TMEM71: variants seen among roughly 807,000 people sequenced by gnomAD.
The protein encoded by TMEM71 is transmembrane protein 71.
TMEM71 carries 44 observed loss-of-function variants against 38.0 expected under a neutral mutation model. The observed-to-expected ratio is 1.16, with a 90% CI of 0.91 to 1.49. TMEM71 has a LOEUF of 1.49. Among genes scored for constraint, TMEM71 ranks in the 40% most tolerant of loss-of-function variants. The pLI is 0.00. For synonymous variants in TMEM71, 133 were observed against 122.5 expected (o/e 1.09, Z -0.56); for missense variants, 367 against 348.6 (o/e 1.05, Z -0.42).
chr8:132,725,013 C>T (rs1463266069), intron 6 of TMEM71, among the ~76,000 whole-genome samples: 1 of 151,702 alleles, frequency 6.6e-6, no homozygotes, highest in African/African-American at 2.4e-5. Flanking sequence ...GTATGGAGGG[C>T]CTTTTTTTCT....
the TMEM71 span, among the ~76,000 whole-genome samples, chr8:132,770,018 A>G: frequency 1.3e-5 from 2 of 152,164 alleles, no homozygotes; most frequent in Non-Finnish European, 2.9e-5. Context: ...GTGACTGTCA[A>G]TTTGTATAGC....
the TMEM71 span, among the ~76,000 whole-genome samples, chr8:132,769,116 T>C: frequency 6.6e-6 from 1 of 152,244 alleles, no homozygotes; most frequent in African/African-American, 2.4e-5. Context: ...GAAATGGAAG[T>C]AGAATATTTT....
intron 6 of TMEM71, among the ~76,000 whole-genome samples, chr8:132,726,526 G>A (rs1827151305): frequency 6.6e-6 from 1 of 152,136 alleles, no homozygotes; most frequent in Non-Finnish European, 1.5e-5. Context: ...GACAAGGTAG[G>A]AATTATGATC....
chr8:132,749,336 G>A (rs77021114), intron 4 of TMEM71, among the ~76,000 whole-genome samples: 3,132 of 152,312 alleles, frequency 0.021, 50 homozygotes, highest in Middle Eastern at 0.055. Context: ...ATAATTTTAG[G>A]AAGTAGATTC....
chr8:132,711,329 C>T (rs1826223124), intron 9 of TMEM71, among the ~76,000 whole-genome samples: 1 of 152,014 alleles, frequency 6.6e-6, no homozygotes, highest in Non-Finnish European at 1.5e-5. Context: ...ATTTTAATTG[C>T]ACTTTAAGTG....
intron 5 of TMEM71, among the ~76,000 whole-genome samples, chr8:132,733,324 G>A (rs1827564252): frequency 1.3e-5 from 2 of 152,196 alleles, no homozygotes; most frequent in Admixed American, 6.5e-5. Context: ...AGGAGGCTAA[G>A]ATATGTAGTG....
chr8:132,744,221 G>C (rs1828209598), intron 5 of TMEM71, among the ~76,000 whole-genome samples: 1 of 152,074 alleles, frequency 6.6e-6, no homozygotes, highest in African/African-American at 2.4e-5. Flanking sequence ...AATATCTGTT[G>C]TTTCCATTCT....
intron 5 of TMEM71, 53 bp downstream of exon 5, chr8:132,746,889 C>A: frequency 6.8e-7 from 1 of 1,468,270 alleles, no homozygotes; most frequent in Non-Finnish European, 9.1e-7. Context: ...ACAGGGTTAC[C>A]ACTGCCCACT....
intron 3 of TMEM71, among the ~76,000 whole-genome samples, chr8:132,752,662 A>G (rs796189920): frequency 4.6e-5 from 7 of 152,066 alleles, no homozygotes; most frequent in African/African-American, 1.7e-4. Flanking sequence ...TTAGCCCAGG[A>G]AGTTCGAAGC....
downstream of TMEM71, among the ~76,000 whole-genome samples, chr8:132,708,873 G>T (rs1013839992): frequency 6.6e-6 from 1 of 152,164 alleles, no homozygotes; most frequent in Admixed American, 6.5e-5. Context: ...GGAGGAGGGG[G>T]CCAGGGGCCA....
chr8:132,711,625 G>A (rs1169124048), intron 9 of TMEM71, among the ~76,000 whole-genome samples: 1 of 152,174 alleles, frequency 6.6e-6, no homozygotes, highest in African/African-American at 2.4e-5. Context: ...TTACTAACAT[G>A]AGATACCTGT....
At chr8:132,707,729 G>C (rs1349571149), downstream of TMEM71, among the ~76,000 whole-genome samples, 1 of 152,188 alleles carries the variant, frequency 6.6e-6, no homozygotes, top group Non-Finnish European at 1.5e-5. Flanking sequence ...TACACAGTCT[G>C]TGATATTCTG....
the TMEM71 span, among the ~76,000 whole-genome samples, chr8:132,769,577 G>A: frequency 1.3e-5 from 2 of 152,160 alleles, no homozygotes; most frequent in Non-Finnish European, 1.5e-5. Flanking sequence ...GGGGCCTTTC[G>A]TAAGTAACTA....
At chr8:132,770,563 A>G in the TMEM71 span, among the ~76,000 whole-genome samples, 287 of 152,332 alleles carry the variant, frequency 1.9e-3, 2 homozygotes, top group African/African-American at 6.4e-3. Context: ...TAATGTCTTA[A>G]GCTGTTGGGG....
intron 7 of TMEM71, among the ~76,000 whole-genome samples, chr8:132,715,173 G>A (rs1221897031): frequency 2.0e-5 from 3 of 152,002 alleles, no homozygotes; most frequent in African/African-American, 4.8e-5. Context: ...TTGGGAGGCC[G>A]AGGCGGGCGG....
upstream of TMEM71, among the ~76,000 whole-genome samples, chr8:132,761,279 A>G (rs1035554044): frequency 1.3e-5 from 2 of 152,220 alleles, no homozygotes; most frequent in Non-Finnish European, 2.9e-5. Context: ...CCTGTCTACC[A>G]TCCTAGCTGT....
chr8:132,756,052 A>C (rs1014940651), intron 3 of TMEM71, among the ~76,000 whole-genome samples: 8 of 152,172 alleles, frequency 5.3e-5, no homozygotes, highest in Non-Finnish European at 1.0e-4. Flanking sequence ...TACAAGAAGG[A>C]GCAGGTCCTA....
chr8:132,732,353 A>T (rs1412093863), intron 5 of TMEM71, among the ~76,000 whole-genome samples: 3 of 152,134 alleles, frequency 2.0e-5, no homozygotes, highest in African/African-American at 7.2e-5. Flanking sequence ...AGAGAGGAAG[A>T]GAGTAAGTGG....
chr8:132,726,095 A>C (rs891845726), intron 6 of TMEM71, among the ~76,000 whole-genome samples: 1 of 152,204 alleles, frequency 6.6e-6, no homozygotes, highest in African/African-American at 2.4e-5. Context: ...AGAGGCAAAC[A>C]TGCAGTGACA....
Sources: allele counts gnomAD v4.1 joint callset (sites outside exome capture counted in the v4.1 genomes callset), GRCh38; gene constraint gnomAD v4.1.1; transcripts MANE v1.5; gene names NCBI Gene and HGNC (gene_info 2026-07-23, HGNC 2026-07-21).